Variants in IQCE observed in about 807,000 individuals in gnomAD.
IQCE encodes IQ motif containing E.
IQCE carries 115 observed loss-of-function variants against 96.0 expected under a neutral mutation model. That is an observed-to-expected ratio of 1.20 (90% CI 1.03 to 1.40). The LOEUF is 1.40. Among genes scored for constraint, IQCE ranks in the 40% most tolerant of loss-of-function variants. The pLI is 0.00. For missense variants in IQCE, 1,041 were observed against 909.1 expected (o/e 1.15, Z -1.87); for synonymous variants, 412 against 371.2 (o/e 1.11, Z -1.26).
chr7:2,563,893 CAAAAA>C (rs34269895), intron 1 of IQCE, among the ~76,000 whole-genome samples: 1 of 59,972 alleles, frequency 1.7e-5, no homozygotes, highest in African/African-American at 7.1e-5. Flanking sequence ...GACTCCATCT[CAAAAA>C]AAAAAAAAAA....
intron 19 of IQCE, among the ~76,000 whole-genome samples, chr7:2,605,358 C>T (rs768752666): frequency 3.3e-5 from 5 of 152,210 alleles, no homozygotes; most frequent in Non-Finnish European, 7.3e-5. Context: ...CGGTGGCTCA[C>T]ACCTGTAATC....
rs1783739241 is a variant in IQCE at position 2,593,109 on chromosome 7, G to T, written c.1332G>T (p.Glu444Asp). ...GGGAGGGCGAGGAGGAGAGGAGAGA[G>T]CGAGAGGAGGTTTTGAGGTATGTGA... Reference protein sequence around the residue: ...CAREGEEERREREEVLREEIQ... With the variant: ...CAREGEEERRDREEVLREEIQ... Residue 444 changes from glutamate (E) to aspartate (D), a missense_variant, in exon 15 of 22, where the codon GAG becomes GAT. Glu to Asp is a conservative substitution (Grantham distance 45). Coordinates refer to ENST00000402050, the MANE Select transcript of IQCE (RefSeq NM_152558.5). 9 of 1,611,760 alleles carry T rather than the reference G, an allele frequency of 5.6e-6. No homozygotes were observed. The highest frequency in any genetic ancestry group is 1.7e-4 in the Middle Eastern group (1 of 6,024).
In IQCE at chr7:2,607,142, C is replaced by G. The variant is rs753537255; in HGVS notation, c.1884C>G (p.Thr628=). 1 of 1,603,126 alleles carries G rather than the reference C, an allele frequency of 6.2e-7. No individual in the cohort carries two copies. The highest frequency in any genetic ancestry group is 1.1e-5 in the South Asian group (1 of 89,552). The change falls in exon 21 of 22, where the codon ACC becomes ACG. Residue 628 remains threonine (T), a synonymous_variant. Transcript: ENST00000402050. The part of the protein sequence containing the change: ...RARHSATGKR[T]TTAASTRRRS... Reference sequence around the variant, plus strand: ...TTTCCAGTGCTACCGGTAAAAGAACCACCACCGCAGCTTCTACCAGGAGGA... The same window carrying G: ...TTTCCAGTGCTACCGGTAAAAGAACGACCACCGCAGCTTCTACCAGGAGGA...
chr7:2,579,268 G>A (rs1244950476), intron 8 of IQCE, among the ~76,000 whole-genome samples: 5 of 152,248 alleles, frequency 3.3e-5, no homozygotes, highest in Admixed American at 6.5e-5. Context: ...TCTAAAGTGG[G>A]ACATGGTGGA....
At chr7:2,578,757 G>C (rs1782416051) in intron 8 of IQCE, among the ~76,000 whole-genome samples, 1 of 152,134 alleles carries the variant, frequency 6.6e-6, no homozygotes, top group Non-Finnish European at 1.5e-5. Flanking sequence ...CCATCACAAC[G>C]GGCGACTTCC....
At chr7:2,590,641 C>T (rs1307347850) in intron 14 of IQCE, among the ~76,000 whole-genome samples, 2 of 152,126 alleles carry the variant, frequency 1.3e-5, no homozygotes, top group Non-Finnish European at 2.9e-5. Flanking sequence ...TGGCTCATGT[C>T]TGTAGTCCCA....
chr7:2,607,855 T>C (rs778481846), intron 21 of IQCE, among the ~76,000 whole-genome samples: 1 of 152,128 alleles, frequency 6.6e-6, no homozygotes, highest in African/African-American at 2.4e-5. Flanking sequence ...GGAAGATGAG[T>C]GCGGAGGCAC....
intron 16 of IQCE, among the ~76,000 whole-genome samples, chr7:2,596,265 AAAAAG>A (rs1442295237): frequency 4.6e-5 from 7 of 152,154 alleles, no homozygotes; most frequent in African/African-American, 1.7e-4. Flanking sequence ...TTCTCACTAA[AAAAAG>A]AAAAGAAAGA....
At chr7:2,591,051 G>A (rs1248540372) in intron 14 of IQCE, among the ~76,000 whole-genome samples, 3 of 152,092 alleles carry the variant, frequency 2.0e-5, no homozygotes, top group Admixed American at 1.3e-4. Flanking sequence ...CCAGGAGTTC[G>A]AGACCAACCT....
At chr7:2,578,756 C>T (rs560895853) in intron 8 of IQCE, among the ~76,000 whole-genome samples, 15 of 152,298 alleles carry the variant, frequency 9.8e-5, no homozygotes, top group South Asian at 2.1e-4. Flanking sequence ...CCCATCACAA[C>T]GGGCGACTTC....
At chr7:2,568,344 A>G (rs773873980) in intron 2 of IQCE, among the ~76,000 whole-genome samples, 2 of 152,246 alleles carry the variant, frequency 1.3e-5, no homozygotes, top group Non-Finnish European at 2.9e-5. Context: ...ATACCTCATT[A>G]TATGGATGCA....
chr7:2,578,340 C>T lies in IQCE; in HGVS notation c.564C>T (p.Leu188=), dbSNP rs2128444973. 6.2e-7 allele frequency: 1 copy of T among 1,614,104 alleles called. No individual in the cohort carries two copies. The highest frequency in any genetic ancestry group is 8.5e-7 in the Non-Finnish European group (1 of 1,179,958). ...GGAAGGACCGGCAGATAGAGCAGCTCCTGGATCCCAGCCGCGTAAGCTCCT... is the reference window on the plus strand; with the variant it reads ...GGAAGGACCGGCAGATAGAGCAGCTTCTGGATCCCAGCCGCGTAAGCTCCT... The part of the protein sequence containing the change: ...NSRKDRQIEQ[L]LDPSRGTDFV... Residue 188 remains leucine, a synonymous_variant, in exon 7 of 22, where the codon CTC becomes CTT. Coordinates refer to ENST00000402050, the MANE Select transcript of IQCE (RefSeq NM_152558.5).
At chr7:2,600,361 C>A (rs1266922107) in intron 17 of IQCE, among the ~76,000 whole-genome samples, 1 of 152,212 alleles carries the variant, frequency 6.6e-6, no homozygotes, top group Non-Finnish European at 1.5e-5. Flanking sequence ...CTAACCTGGC[C>A]ATGGCTGCTG....
chr7:2,577,874 CGTGT>C lies in IQCE; in HGVS notation c.466-364_466-361del, dbSNP rs762929654. ...GTGTGCGTGGCTGTGCGCGCGGGGA[CGTGT>C]GTGCGGCGTGCCCGCAGTGTCGTGT... On this transcript the variant is annotated intron_variant, in intron 6 of 21. Coordinates refer to ENST00000402050, the MANE Select transcript of IQCE (RefSeq NM_152558.5). 9.2e-5 allele frequency among the ~76,000 whole-genome samples: 12 copies of C among 129,912 alleles called. 1 individual carries two copies. The highest frequency in any genetic ancestry group is 7.6e-5 in the Admixed American group (1 of 13,102). The allele number at this position is 129,912 out of a possible 152,430, so 85.2% of individuals were successfully genotyped here.
intron 16 of IQCE, among the ~76,000 whole-genome samples, chr7:2,595,390 TCAG>T (rs1021017607): frequency 3.3e-5 from 5 of 152,108 alleles, no homozygotes; most frequent in African/African-American, 1.2e-4. Flanking sequence ...TGGCAAAGCC[TCAG>T]CGGGCACTGC....
At chr7:2,572,505 C>T (rs1168922984) in intron 5 of IQCE, among the ~76,000 whole-genome samples, 179 bp downstream of exon 5, 3 of 152,176 alleles carry the variant, frequency 2.0e-5, no homozygotes, top group African/African-American at 2.4e-5. Context: ...CACAAAAACC[C>T]GCCTGCCCCA....
chr7:2,574,975 A>G (rs1183563181), intron 6 of IQCE, among the ~76,000 whole-genome samples: 1 of 152,044 alleles, frequency 6.6e-6, no homozygotes, highest in South Asian at 2.1e-4. Flanking sequence ...GTGCCTCTTC[A>G]CTTGTTTCAA....
At chr7:2,596,070 A>G (rs1784014413) in intron 16 of IQCE, among the ~76,000 whole-genome samples, 1 of 152,208 alleles carries the variant, frequency 6.6e-6, no homozygotes, top group African/African-American at 2.4e-5. Context: ...ACTTGGTGTC[A>G]CCATCCTGAG....
At chr7:2,559,380 GCTGCAGGCCCCGCGCCGC>G in intron 1 of IQCE, 163 bp downstream of exon 1, 1 of 342,262 alleles carries the variant, frequency 2.9e-6, no homozygotes, top group Non-Finnish European at 5.0e-6. Flanking sequence ...ACAAGAGCGC[GCTGCAGGCCCCGCGCCGC>G]CTGCAGCCTC....
Sources: allele counts gnomAD v4.1 joint callset (sites outside exome capture counted in the v4.1 genomes callset), GRCh38; gene constraint gnomAD v4.1.1; transcripts MANE v1.5; gene names NCBI Gene and HGNC (gene_info 2026-07-23, HGNC 2026-07-21).